The following RBPMS variants were observed in gnomAD, a reference collection of about 807,000 sequenced individuals.
RBPMS encodes the protein RNA-binding protein with multiple splicing.
RBPMS carries 7 observed loss-of-function variants against 26.8 expected under a neutral mutation model. The ratio of observed to expected loss-of-function variants is 0.26; its 90% confidence interval spans 0.15 to 0.49. The LOEUF (loss-of-function observed/expected upper bound fraction) is 0.49, where lower values mean the gene tolerates loss of function less well. Among genes scored for constraint, RBPMS ranks in the 20% least tolerant of loss-of-function variants. The pLI is 0.98. For missense variants in RBPMS, 186 were observed against 250.0 expected, an observed-to-expected ratio of 0.74 and a Z score of 1.73; for synonymous variants, 96 against 93.3, an observed-to-expected ratio of 1.03 and a Z score of -0.17.
intron 1 of RBPMS, among the ~76,000 whole-genome samples, chr8:30,421,588 T>C (rs553335393): frequency 1.1e-4 from 16 of 152,204 alleles, no homozygotes; most frequent in African/African-American, 3.9e-4. Context: ...AGGTACCTAC[T>C]ATGTGCCAAG....
At chr8:30,496,970 C>G (rs1460975025) in intron 4 of RBPMS, among the ~76,000 whole-genome samples, 1 of 152,162 alleles carries the variant, frequency 6.6e-6, no homozygotes, top group African/African-American at 2.4e-5. Flanking sequence ...GATTATGATG[C>G]CTGTGGCAGA....
intron 7 of RBPMS, among the ~76,000 whole-genome samples, chr8:30,561,166 G>C (rs1250539355): frequency 2.6e-5 from 4 of 152,098 alleles, no homozygotes; most frequent in African/African-American, 9.7e-5. Flanking sequence ...TTTTAGGAGA[G>C]ATTTTTTTGC....
chr8:30,511,666 C>CA (rs1026868320), intron 5 of RBPMS, among the ~76,000 whole-genome samples: 2 of 148,784 alleles, frequency 1.3e-5, no homozygotes, highest in South Asian at 2.1e-4. Context: ...TATATACACA[C>CA]AAAAAAAATT....
chr8:30,544,948 A>C, intron 6 of RBPMS: 1 of 1,468,488 alleles, frequency 6.8e-7, no homozygotes, highest in South Asian at 1.4e-5. Context: ...ACCAGAGTGT[A>C]TACGTGTGTG....
At chr8:30,561,268 C>T (rs1047315567) in intron 7 of RBPMS, among the ~76,000 whole-genome samples, 1 of 152,170 alleles carries the variant, frequency 6.6e-6, no homozygotes, top group Non-Finnish European at 1.5e-5. Flanking sequence ...CATGTTTCGT[C>T]TTCATATGCC....
At chr8:30,546,504 G>A (rs1259587042) in intron 6 of RBPMS, among the ~76,000 whole-genome samples, 1 of 152,192 alleles carries the variant, frequency 6.6e-6, no homozygotes, top group Admixed American at 6.5e-5. Context: ...CCATTGTAAG[G>A]AAGGATGGGG....
intron 5 of RBPMS, among the ~76,000 whole-genome samples, chr8:30,519,753 A>T (rs1031136504): frequency 6.6e-6 from 1 of 151,994 alleles, no homozygotes; most frequent in Non-Finnish European, 1.5e-5. Context: ...TCGGCCTCCC[A>T]AAGTGCTGGG....
In RBPMS at chr8:30,539,149, AAAT is replaced by A. The variant is rs567310009; in HGVS notation, c.398-5344_398-5342del. Among the ~76,000 whole-genome samples, 296 of 152,324 alleles carry A rather than the reference AAAT, an allele frequency of 1.9e-3. 2 individuals carry two copies. The highest frequency in any genetic ancestry group is 6.9e-3 in the African/African-American group (285 of 41,562). The stretch of plus-strand genomic sequence containing the variant: ...TCAAAATTTATATTATTCCTATTAA[AAAT>A]GGAATTTTTCATCATGTTTGGATTT... On this transcript the variant is annotated intron_variant, in intron 5 of 8. Coordinates refer to ENST00000397323, the MANE Select transcript of RBPMS (RefSeq NM_001008710.3).
At chr8:30,550,209 G>A (rs1826245170) in intron 6 of RBPMS, among the ~76,000 whole-genome samples, 1 of 152,108 alleles carries the variant, frequency 6.6e-6, no homozygotes, top group South Asian at 2.1e-4. Flanking sequence ...GCTCTGCGGG[G>A]CTTCATTTCC....
At chr8:30,483,310 G>T (rs2150859327) in intron 4 of RBPMS, among the ~76,000 whole-genome samples, 1 of 152,236 alleles carries the variant, frequency 6.6e-6, no homozygotes, top group Admixed American at 6.5e-5. Context: ...TTGGATAGTT[G>T]TTATTAGGCT....
chr8:30,464,548 A>G (rs1816288444), intron 1 of RBPMS, among the ~76,000 whole-genome samples: 1 of 152,228 alleles, frequency 6.6e-6, no homozygotes, highest in Non-Finnish European at 1.5e-5. Flanking sequence ...TCTACTGCTA[A>G]TATCAAAAGC....
At chr8:30,562,329 A>G (rs868131998) in intron 7 of RBPMS, among the ~76,000 whole-genome samples, 1,802 of 143,696 alleles carry the variant, frequency 0.013, 44 homozygotes, top group African/African-American at 0.046. Context: ...AGACTGTCGA[A>G]AAAAAAAAAA....
intron 6 of RBPMS, among the ~76,000 whole-genome samples, chr8:30,551,459 G>A (rs559104841): frequency 6.6e-6 from 1 of 152,138 alleles, no homozygotes; most frequent in African/African-American, 2.4e-5. Flanking sequence ...ACATCTCAAC[G>A]TGGGCCTCCT....
At chr8:30,440,226 G>T (rs919454875) in intron 1 of RBPMS, among the ~76,000 whole-genome samples, 1 of 152,134 alleles carries the variant, frequency 6.6e-6, no homozygotes, top group East Asian at 1.9e-4. Flanking sequence ...ACTGTGCTGA[G>T]CCCTAGCCTT....
chr8:30,546,824 G>A (rs1170252839), intron 6 of RBPMS, among the ~76,000 whole-genome samples: 1 of 152,224 alleles, frequency 6.6e-6, no homozygotes, highest in Non-Finnish European at 1.5e-5. Context: ...CAGCTGGTCT[G>A]ACCCATTTTA....
intron 5 of RBPMS, among the ~76,000 whole-genome samples, chr8:30,517,368 A>G (rs1822456994): frequency 6.6e-6 from 1 of 152,106 alleles, no homozygotes; most frequent in African/African-American, 2.4e-5. Flanking sequence ...CCTTCTTTTC[A>G]TTCTGTGCTT....
chr8:30,430,563 C>T (rs1811824018), intron 1 of RBPMS, among the ~76,000 whole-genome samples: 1 of 152,136 alleles, frequency 6.6e-6, no homozygotes, highest in Non-Finnish European at 1.5e-5. Flanking sequence ...TGCAGTAATC[C>T]AGCATTGTCA....
At chr8:30,500,370 C>T (rs1820431507) in intron 4 of RBPMS, among the ~76,000 whole-genome samples, 1 of 149,916 alleles carries the variant, frequency 6.7e-6, no homozygotes, top group South Asian at 2.1e-4. Flanking sequence ...GCTAATCTAG[C>T]CATGGACATC....
At chr8:30,430,389 T>C (rs1041358174) in intron 1 of RBPMS, among the ~76,000 whole-genome samples, 1 of 152,202 alleles carries the variant, frequency 6.6e-6, no homozygotes, top group Non-Finnish European at 1.5e-5. Flanking sequence ...GGAACCAAGG[T>C]ATTTGCAAGC....
Sources: gnomAD v4.1 joint callset for allele counts (sites outside exome capture counted in the v4.1 genomes callset) on GRCh38, gnomAD v4.1.1 for gene constraint, MANE v1.5 for transcripts, NCBI Gene and HGNC (gene_info 2026-07-23, HGNC 2026-07-21) for gene names.